Variants in MDC1 observed in about 807,000 individuals in gnomAD.
MDC1 encodes the protein mediator of DNA damage checkpoint protein 1.
Under a neutral mutation model 142.5 loss-of-function variants are expected in MDC1, and 81 were observed. That is an observed-to-expected ratio of 0.57 (90% CI 0.47 to 0.68). The LOEUF (loss-of-function observed/expected upper bound fraction) is 0.68, where lower values mean the gene tolerates loss of function less well. Among genes scored for constraint, MDC1 ranks in the 30% least tolerant of loss-of-function variants. The pLI, the probability that MDC1 is intolerant of heterozygous loss-of-function variation, is 0.00. For synonymous variants in MDC1, 797 were observed against 968.4 expected (o/e 0.82, Z 3.29); for missense variants, 2,119 against 2,547.9 (o/e 0.83, Z 3.62).
chr6:30,706,620 TAAAAAAAAA>T (rs9278748), intron 9 of MDC1, among the ~76,000 whole-genome samples: 2 of 42,788 alleles, frequency 4.7e-5, no homozygotes, highest in African/African-American at 2.2e-4. Flanking sequence ...AGACTCTGTC[TAAAAAAAAA>T]AAAAAAAAAA....
At chr6:30,708,720 C>T (rs771873720) in intron 7 of MDC1, among the ~76,000 whole-genome samples, 23 of 151,580 alleles carry the variant, frequency 1.5e-4, no homozygotes, top group Admixed American at 1.1e-3. Flanking sequence ...GGTGTGGGGA[C>T]GGGGACCTGT....
chr6:30,707,816 T>C lies in MDC1; in HGVS notation c.2763A>G (p.Arg921=), dbSNP rs776981504. The C allele has an allele frequency of 1.9e-6, 3 of 1,612,948 alleles. No individual in the cohort carries two copies. The highest frequency in any genetic ancestry group is 1.6e-4 in the Middle Eastern group (1 of 6,084). Residue 921 remains arginine (R), a synonymous_variant, in exon 8 of 15, where the codon AGA becomes AGG. Coordinates refer to ENST00000376406, the MANE Select transcript of MDC1 (RefSeq NM_014641.3). ...PSKAFEREVE[R]PVANRECDPA... is the part of the protein sequence containing the mutation. ...GATCGCACTCTCTGTTTGCTACTGG[T>C]CTCTCTACTTCTCTCTCAAATGCTT...
At chr6:30,711,008 C>T (rs1372998599) in intron 7 of MDC1, among the ~76,000 whole-genome samples, 1 of 152,182 alleles carries the variant, frequency 6.6e-6, no homozygotes, top group Non-Finnish European at 1.5e-5. Flanking sequence ...GTTGAATTCA[C>T]GGACGCAAAC....
In MDC1 at chr6:30,703,202, C is replaced by A; in HGVS notation, c.5767G>T (p.Ala1923Ser). The change falls in exon 12 of 15, where the codon GCT (alanine) becomes TCT (serine). Residue 1923 changes from alanine (A) to serine (S), a missense_variant. By Grantham distance (99) the Ala-to-Ser change is moderately conservative. Transcript: ENST00000376406. This position sits in a 1 kb window ranked among gnomAD's most constrained non-coding sequence, Gnocchi z 4.4. ...ATGCGATCAGTGACCAGGTGGGAAGCCTCTGCCGCTGAACCAGCCAGACTT... is the reference window on the plus strand; with the variant it reads ...ATGCGATCAGTGACCAGGTGGGAAGACTCTGCCGCTGAACCAGCCAGACTT... ...GGSLAGSAAE[A>S]SHLVTDRIRR... The A allele has an allele frequency of 6.2e-7, 1 of 1,613,092 alleles. No homozygotes were observed. The highest frequency in any genetic ancestry group is 8.5e-7 in the Non-Finnish European group (1 of 1,180,014).
Position 30,706,922 on chromosome 6 carries a change from G to A in MDC1, c.3084+462C>T, listed in dbSNP as rs116025695. On this transcript the variant is annotated intron_variant, in intron 9 of 14. Coordinates refer to ENST00000376406, the MANE Select transcript of MDC1 (RefSeq NM_014641.3). Reference sequence around the variant, plus strand: ...GGAGGTTACAGTAAGCTGAGATCACGCCACTGCACACTCCAGCCTGGGTGA... The same window carrying A: ...GGAGGTTACAGTAAGCTGAGATCACACCACTGCACACTCCAGCCTGGGTGA... Among the ~76,000 whole-genome samples the A allele has an allele frequency of 9.9e-3, 1,504 of 152,158 alleles. 19 individuals carry two copies. Among genetic ancestry groups the A allele is most frequent in the African/African-American group, 0.026 (1,086 of 41,488 alleles).
rs753841715 is a variant in MDC1 at position 30,704,621 on chromosome 6, C to T, written c.4562G>A (p.Arg1521Gln). Residue 1521 changes from arginine (R) to glutamine (Q), a missense_variant, in exon 10 of 15, where the codon CGG becomes CAG. By Grantham distance (43) the Arg-to-Gln change is conservative. Coordinates refer to ENST00000376406, the MANE Select transcript of MDC1 (RefSeq NM_014641.3). ...TGTTTCAGGGGTCTTGACAGAGGAC[C>T]GATTTTTTCTTCCCCTAGTGGTCCG... ...TSRTTRGRKNRSSVKTPETVV... is the reference protein window; with the variant it reads ...TSRTTRGRKNQSSVKTPETVV... 12 of 1,606,642 alleles carry T rather than the reference C, an allele frequency of 7.5e-6. No homozygotes were observed. The highest frequency in any genetic ancestry group is 1.7e-4 in the Middle Eastern group (1 of 6,012).
Position 30,709,101 on chromosome 6 carries a change from G to T in MDC1, c.2222-744C>A, listed in dbSNP as rs1774424528. ...CCAGGCTGGAGTGCAGTGGCATGAT[G>T]TTGGCTCACTGCAACTCCCAACTGC... On this transcript the variant is annotated intron_variant, in intron 7 of 14. Coordinates refer to ENST00000376406, the MANE Select transcript of MDC1 (RefSeq NM_014641.3). This position sits in a 1 kb window ranked among gnomAD's most constrained non-coding sequence, Gnocchi z 4.2. 6.6e-6 allele frequency among the ~76,000 whole-genome samples: 1 copy of T among 152,252 alleles called. No individual in the cohort carries two copies. The highest frequency in any genetic ancestry group is 1.9e-4 in the East Asian group (1 of 5,186).
chr6:30,712,089 T>C lies in MDC1; in HGVS notation c.1853A>G (p.Glu618Gly), dbSNP rs1775001351. 2 of 1,598,406 alleles carry C rather than the reference T, an allele frequency of 1.3e-6. No individual in the cohort carries two copies. The highest frequency in any genetic ancestry group is 2.7e-5 in the African/African-American group (2 of 74,584). The change falls in exon 5 of 15, where the codon GAG (glutamate) becomes GGG (glycine). Residue 618 changes from glutamate to glycine, a missense_variant. Transcript: ENST00000376406. This position sits in a 1 kb window ranked among gnomAD's most constrained non-coding sequence, Gnocchi z 4.7. ...AEWAAAVLKQ[E>G]RAHEVGAQGG... is the part of the protein sequence containing the mutation. ...CTGGGCCCCCACCTCATGAGCTCTC[T>C]CCTGCTTAAGAACAGCTGCAGCCCA... is the stretch of plus-strand genomic sequence containing the variant.
At position 30,716,380 on chromosome 6, in the gene MDC1, C is replaced by T. The variant is rs1305751506; in HGVS notation, c.-4+865G>A. Among the ~76,000 whole-genome samples the T allele has an allele frequency of 2.0e-5, 3 of 152,110 alleles. No individual in the cohort carries two copies. Among genetic ancestry groups the T allele is most frequent in the African/African-American group, 7.2e-5 (3 of 41,426 alleles). ...CTGGGATTACAGGCGCCCGGCATCA[C>T]GCCTGGCTAATTTTTGTATTTTTAG... On this transcript the variant is annotated intron_variant, in intron 1 of 14. Coordinates refer to ENST00000376406, the MANE Select transcript of MDC1 (RefSeq NM_014641.3). This position sits in a 1 kb window ranked among gnomAD's most constrained non-coding sequence, Gnocchi z 4.4.
intron 6 of MDC1, 53 bp downstream of exon 6, chr6:30,711,614 C>T: frequency 6.2e-7 from 1 of 1,606,256 alleles, no homozygotes; most frequent in South Asian, 1.1e-5. Context: ...GACCACCAGT[C>T]TAATCTCCCA....
chr6:30,715,222 C>T lies in MDC1; in HGVS notation c.-3-44G>A, dbSNP rs769055005. 1.2e-6 allele frequency: 2 copies of T among 1,609,354 alleles called. No homozygotes were observed. Among genetic ancestry groups the T allele is most frequent in the Admixed American group, 1.7e-5 (1 of 60,006 alleles). ...ATCAATTATCCTCATTATTGGTTCA[C>T]ACAAACAGCATCAGAGTTATCAGAC... On this transcript the variant is annotated intron_variant, in intron 1 of 14. Coordinates refer to ENST00000376406, the MANE Select transcript of MDC1 (RefSeq NM_014641.3). This position sits in a 1 kb window ranked among gnomAD's most constrained non-coding sequence, Gnocchi z 4.1.
rs778663395 is a variant in MDC1 at position 30,711,907 on chromosome 6, C to A, written c.2035G>T (p.Gly679Cys). 115 of 1,535,042 alleles carry A rather than the reference C, an allele frequency of 7.5e-5. No homozygotes were observed. The highest frequency in any genetic ancestry group is 8.5e-5 in the Non-Finnish European group (97 of 1,143,110). Reference sequence around the variant, plus strand: ...TTGTCTTCAGAGTCCTTGGTCCCACCCACATGTTGTTCTCTCTCCCTTCCT... The same window carrying A: ...TTGTCTTCAGAGTCCTTGGTCCCACACACATGTTGTTCTCTCTCCCTTCCT... ...PTGREREQHV[G>C]GTKDSEDNYG... Residue 679 changes from glycine (G) to cysteine (C), a missense_variant, in exon 5 of 15, where the codon GGT (glycine) becomes TGT (cysteine). Transcript: ENST00000376406.
intron 6 of MDC1, 38 bp downstream of exon 6, chr6:30,711,629 C>T (rs1562118485): frequency 1.2e-6 from 2 of 1,609,942 alleles, no homozygotes; most frequent in African/African-American, 2.7e-5. Context: ...CTCCCAGCTC[C>T]CACTGGTACA....
At position 30,703,044 on chromosome 6, in the gene MDC1, G is replaced by A. The variant is rs1210035546; in HGVS notation, c.5865+60C>T. ...GCCTCTTCCCTTCCACCACTTTCTA[G>A]GGCACTATATGAGCAGTCTTGCCAC... On this transcript the variant is annotated intron_variant, in intron 12 of 14. Transcript: ENST00000376406. This position sits in a 1 kb window ranked among gnomAD's most constrained non-coding sequence, Gnocchi z 4.4. The A allele has an allele frequency of 6.3e-7, 1 of 1,584,634 alleles. No individual in the cohort carries two copies. The highest frequency in any genetic ancestry group is 1.7e-5 in the Admixed American group (1 of 58,114).
intron 9 of MDC1, among the ~76,000 whole-genome samples, chr6:30,706,620 TAAAAAAAAAAAA>T (rs9278748): frequency 4.7e-5 from 2 of 42,788 alleles, no homozygotes; most frequent in African/African-American, 1.1e-4. Flanking sequence ...AGACTCTGTC[TAAAAAAAAAAAA>T]AAAAAAAAAA....
chr6:30,703,618 C>A lies in MDC1; in HGVS notation c.5562+3G>T. On this transcript the variant is annotated splice_donor_region_variant and intron_variant, in intron 10 of 14. Coordinates refer to ENST00000376406, the MANE Select transcript of MDC1 (RefSeq NM_014641.3). The surrounding 1 kb of genome is among the most constrained non-coding windows in gnomAD (Gnocchi z 4.4). The stretch of plus-strand genomic sequence containing the variant: ...AGCTTTGTGGTCCCAACCCTCTCCT[C>A]ACCTCTTCCTTCCCTGGCTTCTCTG... The A allele has an allele frequency of 6.2e-7, 1 of 1,601,472 alleles. No individual in the cohort carries two copies. Among genetic ancestry groups the A allele is most frequent in the African/African-American group, 1.3e-5 (1 of 74,168 alleles).
At position 30,712,866 on chromosome 6, in the gene MDC1, C is replaced by G. The variant is rs1168411055; in HGVS notation, c.1076G>C (p.Arg359Thr). The change falls in exon 5 of 15, where the codon AGG (arginine) becomes ACG (threonine). Residue 359 changes from arginine (R) to threonine (T), a missense_variant. Arg to Thr is a moderately conservative substitution (Grantham distance 71, BLOSUM62 -1). Transcript: ENST00000376406. This position sits in a 1 kb window ranked among gnomAD's most constrained non-coding sequence, Gnocchi z 4.7. The part of the protein sequence containing the change: ...KRKIFHGVGT[R>T]GPGAPGLAHL... ...GGCCAGGCCTGGTGCTCCAGGACCCCTTGTACCTACTCCATGGAAGATCTT... is the reference window on the plus strand; with the variant it reads ...GGCCAGGCCTGGTGCTCCAGGACCCGTTGTACCTACTCCATGGAAGATCTT... 1 of 1,612,922 alleles carries G rather than the reference C, an allele frequency of 6.2e-7. No individual in the cohort carries two copies. The highest frequency in any genetic ancestry group is 8.5e-7 in the Non-Finnish European group (1 of 1,180,034).
chr6:30,706,068 G>A lies in MDC1; in HGVS notation c.3115C>T (p.Pro1039Ser), dbSNP rs777875582. Residue 1039 changes from proline to serine, a missense_variant, in exon 10 of 15, where the codon CCT (proline) becomes TCT (serine). By Grantham distance (74) the Pro-to-Ser change is moderately conservative. Coordinates refer to ENST00000376406, the MANE Select transcript of MDC1 (RefSeq NM_014641.3). The stretch of plus-strand genomic sequence containing the variant: ...GCTGGGGCTTCAGGTACTGTAGGAG[G>A]CAGACAAGCATCTGGAGATTCCTGA... ...GDQESPDACL[P>S]PTVPEAPAPP... 1.3e-6 allele frequency: 2 copies of A among 1,594,272 alleles called. No individual in the cohort carries two copies. Among genetic ancestry groups the A allele is most frequent in the Non-Finnish European group, 8.5e-7 (1 of 1,177,378 alleles).
rs1451323887 is a variant in MDC1, at chr6:30,712,181, T to C, written c.1761A>G (p.Leu587=). 1 of 1,612,732 alleles carries C rather than the reference T, an allele frequency of 6.2e-7. No homozygotes were observed. The highest frequency in any genetic ancestry group is 2.2e-5 in the East Asian group (1 of 44,902). The part of the protein sequence containing the change: ...CETDAEEGTS[L]TASVVADVRK... ...TTACATCTGCAACTACTGAGGCTGT[T>C]AGGGAGGTGCCCTCCTCTGCATCTG... is the stretch of plus-strand genomic sequence containing the variant. The change falls in exon 5 of 15, where the codon CTA becomes CTG. Residue 587 remains leucine, a synonymous_variant. Transcript: ENST00000376406. The surrounding 1 kb of genome is among the most constrained non-coding windows in gnomAD (Gnocchi z 4.7).
Sources: allele counts gnomAD v4.1 joint callset (sites outside exome capture counted in the v4.1 genomes callset), GRCh38; gene constraint gnomAD v4.1.1; non-coding constraint Gnocchi (gnomAD v3.1); transcripts MANE v1.5; gene names NCBI Gene and HGNC (gene_info 2026-07-23, HGNC 2026-07-21).